The following PTPRN2 variants were observed in gnomAD, a reference collection of about 807,000 sequenced individuals.
PTPRN2 encodes the protein receptor-type tyrosine-protein phosphatase N2.
Under a neutral mutation model 118.8 loss-of-function variants are expected in PTPRN2, and 74 were observed. That is an observed-to-expected ratio of 0.62 (90% CI 0.52 to 0.76). PTPRN2 has a LOEUF of 0.76. Among genes scored for constraint, PTPRN2 ranks in the 30% least tolerant of loss-of-function variants. The probability of loss-of-function intolerance (pLI) is 0.00; values close to 1 mark genes in which losing one functional copy is unlikely to be tolerated. For missense variants in PTPRN2, 1,481 were observed against 1,394.4 expected (o/e 1.06, Z -0.99); for synonymous variants, 641 against 608.0 (o/e 1.05, Z -0.80).
At chr7:158,341,295 GC>G (rs1806716569) in intron 2 of PTPRN2, among the ~76,000 whole-genome samples, 1 of 143,536 alleles carries the variant, frequency 7.0e-6, no homozygotes, top group Non-Finnish European at 1.5e-5. Flanking sequence ...AAGAGCCGAC[GC>G]CCATAGACGT....
At chr7:158,382,346 C>T (rs1156381113) in intron 2 of PTPRN2, among the ~76,000 whole-genome samples, 1 of 152,300 alleles carries the variant, frequency 6.6e-6, no homozygotes, top group Admixed American at 6.5e-5. Context: ...ACCTCACCCA[C>T]TTTTTGGTGT....
chr7:158,114,764 G>C (rs1816589838), intron 9 of PTPRN2, among the ~76,000 whole-genome samples: 1 of 152,190 alleles, frequency 6.6e-6, no homozygotes, highest in South Asian at 2.1e-4. Flanking sequence ...AGCCCCAGAA[G>C]GGTCCCCAAG....
chr7:158,391,079 G>A lies in PTPRN2; in HGVS notation c.164-74147C>T, dbSNP rs77423889. Among the ~76,000 whole-genome samples, 634 of 152,270 alleles carry A rather than the reference G, an allele frequency of 4.2e-3. 5 individuals are homozygous for A. The highest frequency in any genetic ancestry group is 0.014 in the African/African-American group (600 of 41,554). The stretch of plus-strand genomic sequence containing the variant: ...TACAGACTAGATTTTCTTCCCTCTT[G>A]CGACGGTTGTAACGCAACAGCCATG... On this transcript the variant is annotated intron_variant, in intron 2 of 22. Coordinates refer to ENST00000389418, the MANE Select transcript of PTPRN2 (RefSeq NM_002847.5).
intron 2 of PTPRN2, among the ~76,000 whole-genome samples, chr7:158,405,503 C>A (rs965356490): frequency 6.6e-6 from 1 of 152,230 alleles, no homozygotes; most frequent in African/African-American, 2.4e-5. Context: ...AGCGTCCGAC[C>A]GTCTCTCCTC....
intron 11 of PTPRN2, among the ~76,000 whole-genome samples, chr7:157,998,189 G>A (rs1433754861): frequency 7.9e-5 from 12 of 152,044 alleles, no homozygotes; most frequent in African/African-American, 9.7e-5. Flanking sequence ...CCCAGGGCCC[G>A]GGCTGCAGCC....
chr7:158,243,394 G>A (rs1465720551), intron 3 of PTPRN2, among the ~76,000 whole-genome samples: 2 of 152,214 alleles, frequency 1.3e-5, no homozygotes, highest in Admixed American at 6.5e-5. Flanking sequence ...ATTCCCATGT[G>A]AGCACAACAG....
intron 3 of PTPRN2, among the ~76,000 whole-genome samples, chr7:158,225,040 G>A (rs1828648646): frequency 6.6e-6 from 1 of 151,652 alleles, no homozygotes; most frequent in Admixed American, 6.6e-5. Flanking sequence ...TATCAGAAAG[G>A]CTAAAATAAA....
chr7:158,457,330 C>T (rs1818580369), intron 2 of PTPRN2, among the ~76,000 whole-genome samples: 1 of 152,248 alleles, frequency 6.6e-6, no homozygotes, highest in Admixed American at 6.5e-5. Flanking sequence ...CCTCCCAGGG[C>T]TCCTCAGCAT....
At chr7:158,291,895 AG>A (rs1419723815) in intron 3 of PTPRN2, among the ~76,000 whole-genome samples, 1 of 152,202 alleles carries the variant, frequency 6.6e-6, no homozygotes, top group African/African-American at 2.4e-5. Flanking sequence ...GGAGTGTAAA[AG>A]CCATTTCCAA....
At chr7:158,312,273 TGTAG>T in intron 3 of PTPRN2, among the ~76,000 whole-genome samples, 1 of 26,008 alleles carries the variant, frequency 3.8e-5, no homozygotes, top group East Asian at 8.9e-4. Context: ...CGTGCTCACA[TGTAG>T]ACACGCACAC....
intron 11 of PTPRN2, chr7:158,031,174 T>C (rs1354225271): frequency 6.6e-6 from 1 of 152,148 alleles, no homozygotes; most frequent in Non-Finnish European, 1.5e-5. Context: ...TCTTCCTGGG[T>C]TTTCTAAAAT....
At chr7:158,365,178 A>C (rs965471907) in intron 2 of PTPRN2, among the ~76,000 whole-genome samples, 10 of 152,236 alleles carry the variant, frequency 6.6e-5, no homozygotes, top group African/African-American at 2.4e-4. Context: ...GGAATCACGC[A>C]AGTGGGAAAC....
intron 11 of PTPRN2, among the ~76,000 whole-genome samples, chr7:157,931,033 C>T (rs1799327130): frequency 6.6e-6 from 1 of 152,190 alleles, no homozygotes; most frequent in Non-Finnish European, 1.5e-5. Flanking sequence ...CTCCCACAGA[C>T]TCTGAGTCAA....
In PTPRN2 at chr7:157,881,854, T is replaced by C. The variant is rs367679056; in HGVS notation, c.1788+16819A>G. 1.2e-3 allele frequency among the ~76,000 whole-genome samples: 176 copies of C among 152,316 alleles called. 1 individual carries two copies. The South Asian group carries it at 0.014, about 12-fold the overall frequency. On this transcript the variant is annotated intron_variant, in intron 12 of 22. Transcript: ENST00000389418. This position sits in a 1 kb window ranked among gnomAD's most constrained non-coding sequence, Gnocchi z 4.7. ...ACAGGAATGAAAGTGAAGGTAAAGT[T>C]TGTGCCTGTAAACTACTAAAGAGCT...
At chr7:158,240,010 T>A (rs1165246042) in intron 3 of PTPRN2, among the ~76,000 whole-genome samples, 1 of 151,638 alleles carries the variant, frequency 6.6e-6, no homozygotes, top group African/African-American at 2.4e-5. Context: ...GGAGGGGAGG[T>A]GGCCTCCAGC....
rs1363815339 is a variant in PTPRN2, at chr7:157,609,577, C to T, written c.2345-5502G>A. On this transcript the variant is annotated intron_variant, in intron 15 of 22. Coordinates refer to ENST00000389418, the MANE Select transcript of PTPRN2 (RefSeq NM_002847.5). This position sits in a 1 kb window ranked among gnomAD's most constrained non-coding sequence, Gnocchi z 4.9. ...ATAAGGATGGAACGATTCACGTGGCCACGGCCTCGTGGTCCACAGGGGAGC... is the reference window on the plus strand; with the variant it reads ...ATAAGGATGGAACGATTCACGTGGCTACGGCCTCGTGGTCCACAGGGGAGC... Among the ~76,000 whole-genome samples, 1 of 152,152 alleles carries T rather than the reference C, an allele frequency of 6.6e-6. No individual in the cohort carries two copies. The highest frequency in any genetic ancestry group is 2.4e-5 in the African/African-American group (1 of 41,432).
intron 12 of PTPRN2, among the ~76,000 whole-genome samples, chr7:157,885,885 C>T (rs1018067255): frequency 5.3e-5 from 8 of 152,196 alleles, no homozygotes; most frequent in Non-Finnish European, 8.8e-5. Flanking sequence ...GAAATGTTGC[C>T]TCCTGGGGAC....
At position 157,915,039 on chromosome 7, in the gene PTPRN2, G is replaced by T. The variant is rs933420250; in HGVS notation, c.1724-16302C>A. On this transcript the variant is annotated intron_variant, in intron 11 of 22. Transcript: ENST00000389418. ...CTCTTTTAAGACTATTGATCTGTAG[G>T]TTATATTTAGCTTCCTCCTATGTTC... Among the ~76,000 whole-genome samples, 27 of 151,924 alleles carry T rather than the reference G, an allele frequency of 1.8e-4. 1 individual carries two copies. Among genetic ancestry groups the T allele is most frequent in the Admixed American group, 6.5e-5 (1 of 15,272 alleles).
intron 12 of PTPRN2, among the ~76,000 whole-genome samples, chr7:157,827,882 C>G (rs1807293608): frequency 6.6e-6 from 1 of 152,186 alleles, no homozygotes; most frequent in Non-Finnish European, 1.5e-5. Context: ...GCTGCACGTT[C>G]TGATTTTGTT....
Sources: allele counts gnomAD v4.1 joint callset (sites outside exome capture counted in the v4.1 genomes callset), GRCh38; gene constraint gnomAD v4.1.1; non-coding constraint Gnocchi (gnomAD v3.1); transcripts MANE v1.5; gene names NCBI Gene and HGNC (gene_info 2026-07-23, HGNC 2026-07-21).